IKBKB: variants seen among roughly 807,000 people sequenced by gnomAD.
The protein encoded by IKBKB is inhibitor of nuclear factor kappa-B kinase subunit beta.
Under a neutral mutation model 113.6 loss-of-function variants are expected in IKBKB, and 42 were observed. The ratio of observed to expected loss-of-function variants is 0.37; its 90% CI spans 0.29 to 0.48. The LOEUF (loss-of-function observed/expected upper bound fraction) is 0.48. IKBKB is among the 20% of genes least tolerant of loss of function. The pLI, the probability that IKBKB is intolerant of heterozygous loss-of-function variation, is 0.99. For synonymous variants in IKBKB, 296 were observed against 361.3 expected (o/e 0.82, Z 2.05); for missense variants, 673 against 939.7 (o/e 0.72, Z 3.71).
rs1356428830 is a variant in IKBKB, at chr8:42,331,610, ACTT to A, written c.*632_*634del. 2 of 583,292 alleles carry A rather than the reference ACTT, an allele frequency of 3.4e-6. No individual in the cohort carries two copies. The highest frequency in any genetic ancestry group is 5.7e-5 in the East Asian group (2 of 35,132). 36.1% of individuals were successfully genotyped at this position (583,292 alleles called of 1,614,324 possible). ...TGCTAAAATTGTGTTTTTACCTACT[ACTT>A]TGGTGGTTGTCCTCTTTTCGGCAAA... On this transcript the variant is annotated 3_prime_UTR_variant, in exon 22 of 22. Coordinates refer to ENST00000520810, the MANE Select transcript of IKBKB (RefSeq NM_001556.3).
At chr8:42,294,413 G>T (rs1335838891) in intron 5 of IKBKB, among the ~76,000 whole-genome samples, 1 of 152,056 alleles carries the variant, frequency 6.6e-6, no homozygotes. Context: ...CGTTCCCCTC[G>T]GTTCACCAGA....
chr8:42,319,410 A>G lies in IKBKB; in HGVS notation c.1505A>G (p.Glu502Gly). 2 of 1,614,130 alleles carry G rather than the reference A, an allele frequency of 1.2e-6. No homozygotes were observed. Among genetic ancestry groups the G allele is most frequent in the Non-Finnish European group, 1.7e-6 (2 of 1,180,014 alleles). ...CTGGAGAAGTACAGCGAGCAAACCG[A>G]GTTTGGGATCAGTGAGTGTGCACTT... ...IDLEKYSEQT[E>G]FGITSDKLLL... Residue 502 changes from glutamate (E) to glycine (G), a missense_variant, in exon 14 of 22, where the codon GAG becomes GGG. Around this residue, in one of 2 missense-constraint regions of IKBKB, gnomAD observed 506 missense variants for 638.7 expected, o/e 0.79. Transcript: ENST00000520810.
In IKBKB at chr8:42,281,427, A is replaced by G. The variant is rs372597348; in HGVS notation, c.106-7207A>G. ...CCAGATGCTTGTACCATGGGCTTCT[A>G]TCGCACCTTTACCAGGCGGTGGGGG... On this transcript the variant is annotated intron_variant, in intron 2 of 21. Transcript: ENST00000520810. Among the ~76,000 whole-genome samples the G allele has an allele frequency of 4.5e-4, 68 of 152,340 alleles. 2 individuals carry two copies. Among genetic ancestry groups the G allele is most frequent in the African/African-American group, 1.5e-3 (61 of 41,588 alleles).
In IKBKB at chr8:42,309,018, G is replaced by C; in HGVS notation, c.685G>C (p.Val229Leu). 6.2e-7 allele frequency: 1 copy of C among 1,613,638 alleles called. No homozygotes were observed. The highest frequency in any genetic ancestry group is 8.5e-7 in the Non-Finnish European group (1 of 1,179,766). ...FRPFLPNWQP[V>L]QWHSKVRQKS... ...GCCCTTCCTCCCCAACTGGCAGCCC[G>C]TGCAGTGGTGAGTGGGCCCGGGGCA... is the stretch of plus-strand genomic sequence containing the variant. The change falls in exon 8 of 22, where the codon GTG (valine) becomes CTG (leucine). Residue 229 changes from valine to leucine, a missense_variant. By Grantham distance (32) the Val-to-Leu change is conservative. Transcript: ENST00000520810.
chr8:42,280,751 G>A (rs1386288332), intron 2 of IKBKB, among the ~76,000 whole-genome samples: 1 of 152,186 alleles, frequency 6.6e-6, no homozygotes, highest in Non-Finnish European at 1.5e-5. Flanking sequence ...CGGGATGCTC[G>A]TTGGGGTGGA....
At position 42,320,829 on chromosome 8, in the gene IKBKB, G is replaced by C. The variant is rs1441651063; in HGVS notation, c.1673G>C (p.Gly558Ala). ...AGCCCCATGGGCCGGAAGCAGGGGG[G>C]AACGCTGGACGACCTGTGAGTACTG... Reference protein sequence around the residue: ...QRSPMGRKQGGTLDDLEEQAR... With the variant: ...QRSPMGRKQGATLDDLEEQAR... Residue 558 changes from glycine (G) to alanine (A), a missense_variant, in exon 16 of 22, where the codon GGA becomes GCA. Physicochemically the swap from Gly to Ala is moderately conservative, Grantham distance 60 (BLOSUM62 0). Around this residue, in one of 2 missense-constraint regions of IKBKB, gnomAD observed 506 missense variants for 638.7 expected, o/e 0.79. Coordinates refer to ENST00000520810, the MANE Select transcript of IKBKB (RefSeq NM_001556.3). 1.9e-6 allele frequency: 3 copies of C among 1,596,666 alleles called. No individual in the cohort carries two copies. The highest frequency in any genetic ancestry group is 2.6e-6 in the Non-Finnish European group (3 of 1,171,108).
In IKBKB at chr8:42,308,909, G is replaced by A. The variant is rs1410070721; in HGVS notation, c.576G>A (p.Glu192=). ...FVGTLQYLAP[E]LLEQQKYTVT... is the part of the protein sequence containing the mutation. ...CCCTCCTGTTGCTGCAGGCCCCAGA[G>A]CTACTGGAGCAGCAGAAGTACACAG... is the stretch of plus-strand genomic sequence containing the variant. Residue 192 remains glutamate, a synonymous_variant, in exon 8 of 22, where the codon GAG becomes GAA. Transcript: ENST00000520810. The A allele has an allele frequency of 4.3e-6, 7 of 1,614,028 alleles. No homozygotes were observed. The highest frequency in any genetic ancestry group is 4.2e-6 in the Non-Finnish European group (5 of 1,179,976).
chr8:42,296,010 G>T (rs1410408475), intron 5 of IKBKB, among the ~76,000 whole-genome samples: 2 of 152,214 alleles, frequency 1.3e-5, no homozygotes, highest in Non-Finnish European at 2.9e-5. Flanking sequence ...CCTATAGATA[G>T]ATAGGTAGGT....
At chr8:42,324,457 G>T (rs10958714) in intron 19 of IKBKB, among the ~76,000 whole-genome samples, 109,469 of 151,818 alleles carry the variant, frequency 0.72, 43,784 homozygotes, top group Non-Finnish European at 0.88. Context: ...TGGAGATGGG[G>T]TTTCACCATG....
intron 5 of IKBKB, among the ~76,000 whole-genome samples, chr8:42,299,891 G>A (rs879320157): frequency 1.3e-5 from 2 of 152,194 alleles, no homozygotes; most frequent in African/African-American, 4.8e-5. Context: ...CTCCTTTGAC[G>A]CTTGGCATTG....
At chr8:42,322,629 G>T in intron 19 of IKBKB, 135 bp downstream of exon 19, 1 of 870,270 alleles carries the variant, frequency 1.1e-6, no homozygotes, top group South Asian at 1.6e-5. Context: ...CGGGCTTCAC[G>T]TCGCTGTTCT....
intron 2 of IKBKB, among the ~76,000 whole-genome samples, chr8:42,281,427 A>T (rs372597348): frequency 6.6e-6 from 1 of 152,222 alleles, no homozygotes; most frequent in East Asian, 1.9e-4. Flanking sequence ...ATGGGCTTCT[A>T]TCGCACCTTT....
At chr8:42,299,436 T>G (rs1814667715) in intron 5 of IKBKB, among the ~76,000 whole-genome samples, 2 of 151,992 alleles carry the variant, frequency 1.3e-5, no homozygotes, top group African/African-American at 4.8e-5. Flanking sequence ...TTTCTCCCAC[T>G]CAGCCCTGGG....
chr8:42,319,496 C>G (rs765100160), intron 14 of IKBKB, 75 bp downstream of exon 14: 1 of 1,596,546 alleles, frequency 6.3e-7, no homozygotes, highest in African/African-American at 1.3e-5. Flanking sequence ...TTCTTTTGTC[C>G]TATTATAATT....
In IKBKB at chr8:42,314,117, C is replaced by G. The variant is rs1022500390; in HGVS notation, c.693-205C>G. 19 of 564,420 alleles carry G rather than the reference C, an allele frequency of 3.4e-5. No individual in the cohort carries two copies. The African/African-American group carries it at 3.4e-4, about 10-fold the overall frequency. 35.0% of individuals were successfully genotyped at this position (564,420 alleles called of 1,614,324 possible). ...CTTACCATTGTGTTACCCTGGCCTA[C>G]AGTATTCAGTACCGGAGCATGCTGT... On this transcript the variant is annotated intron_variant, in intron 8 of 21. Transcript: ENST00000520810.
intron 11 of IKBKB, chr8:42,317,118 T>G (rs2130641509): frequency 1.6e-6 from 1 of 609,344 alleles, no homozygotes; most frequent in East Asian, 3.0e-5. Context: ...TTCCAAACCC[T>G]CCAAGACCGG....
At position 42,322,116 on chromosome 8, in the gene IKBKB, T is replaced by G; in HGVS notation, c.1801T>G (p.Phe601Val). The G allele has an allele frequency of 6.2e-7, 1 of 1,613,862 alleles. No homozygotes were observed. Among genetic ancestry groups the G allele is most frequent in the Non-Finnish European group, 8.5e-7 (1 of 1,179,976 alleles). The change falls in exon 18 of 22, where the codon TTC (phenylalanine) becomes GTC (valine). Residue 601 changes from phenylalanine to valine, a missense_variant. This residue lies in a region of IKBKB where 506 missense variants were observed against 638.7 expected (regional missense o/e 0.79). Coordinates refer to ENST00000520810, the MANE Select transcript of IKBKB (RefSeq NM_001556.3). ...GCTGCTGCTTCAGGCAATTCAGAGCTTCGAGAAGAAAGTGCGAGTGATCTA... is the reference window on the plus strand; with the variant it reads ...GCTGCTGCTTCAGGCAATTCAGAGCGTCGAGAAGAAAGTGCGAGTGATCTA... ...VRLLLQAIQS[F>V]EKKVRVIYTQ...
chr8:42,320,713 A>G (rs199881687), intron 15 of IKBKB, 22 bp from the exon 16 acceptor site: 42 of 1,595,742 alleles, frequency 2.6e-5, no homozygotes, highest in Non-Finnish European at 3.4e-5. Context: ...ATCAGTTGAC[A>G]TTAGCACAGC....
chr8:42,286,659 GT>G (rs1455429598), intron 2 of IKBKB, among the ~76,000 whole-genome samples: 1 of 152,158 alleles, frequency 6.6e-6, no homozygotes, highest in African/African-American at 2.4e-5. Flanking sequence ...TAGAGATGGG[GT>G]TTTGCCACGT....
Sources: gnomAD v4.1 joint callset for allele counts (sites outside exome capture counted in the v4.1 genomes callset) on GRCh38, gnomAD v4.1.1 for gene constraint, gnomAD v4.1.1 regional missense constraint, MANE v1.5 for transcripts, NCBI Gene and HGNC (gene_info 2026-07-23, HGNC 2026-07-21) for gene names.